MRE11: variants seen among roughly 807,000 people sequenced by gnomAD.
MRE11 encodes MRE11 double strand break repair nuclease.
MRE11 carries 62 observed loss-of-function variants against 91.7 expected under a neutral mutation model. The ratio of observed to expected loss-of-function variants is 0.68; its 90% CI spans 0.55 to 0.84. MRE11 has a LOEUF of 0.84. MRE11 is among the 40% of genes least tolerant of loss of function. MRE11 has a pLI of 0.00. For synonymous variants in MRE11, 273 were observed against 271.4 expected, an observed-to-expected ratio of 1.01 and a Z score of -0.06; for missense variants, 796 against 852.9, an observed-to-expected ratio of 0.93 and a Z score of 0.83.
Position 94,447,270 on chromosome 11 carries a change from C to G in MRE11, c.1732G>C (p.Gly578Arg), listed in dbSNP as rs547793891. 1.2e-6 allele frequency: 2 copies of G among 1,614,028 alleles called. No homozygotes were observed. Among genetic ancestry groups the G allele is most frequent in the East Asian group, 2.2e-5 (1 of 44,872 alleles). The change falls in exon 15 of 20, where the codon GGT (glycine) becomes CGT (arginine). Residue 578 changes from glycine (G) to arginine (R), a missense_variant. Physicochemically the swap from Gly to Arg is moderately radical, Grantham distance 125 (BLOSUM62 -2). Transcript: ENST00000323929. ...KGRGRGRGRR[G>R]GRGQNSASRG... ...GATGCTGAATTCTGCCCTCTTCCAC[C>G]TCTTCGACCTCTTCCTCGGCCTCTT...
chr11:94,459,449 C>T lies in MRE11; in HGVS notation c.1459G>A (p.Glu487Lys), dbSNP rs1246033205. ...QLEKTQRFLK[E>K]RHIDALEDKI... ...TCTTCGAGGGCATCAATATGACGTTCTTTAAGAAATCGCTGTGTTTTTTCC... is the reference window on the plus strand; with the variant it reads ...TCTTCGAGGGCATCAATATGACGTTTTTTAAGAAATCGCTGTGTTTTTTCC... The change falls in exon 13 of 20, where the codon GAA (glutamate) becomes AAA (lysine). Residue 487 changes from glutamate to lysine, a missense_variant. Coordinates refer to ENST00000323929, the MANE Select transcript of MRE11 (RefSeq NM_005591.4). The T allele has an allele frequency of 6.2e-7, 1 of 1,613,984 alleles. No homozygotes were observed. The highest frequency in any genetic ancestry group is 8.5e-7 in the Non-Finnish European group (1 of 1,179,916).
chr11:94,462,762 C>T (rs932815305), intron 11 of MRE11, among the ~76,000 whole-genome samples: 13 of 152,152 alleles, frequency 8.5e-5, no homozygotes, highest in Admixed American at 7.2e-4. Flanking sequence ...TTCCTTACAC[C>T]TCACACAAAA....
Position 94,492,862 on chromosome 11 carries a change from T to C in MRE11, c.-61A>G. ...CTTCTCCAAGAACCCCTGGGTACTG[T>C]ACTCAAATGTCAGAAAATGCACTCG... is the stretch of plus-strand genomic sequence containing the variant. On this transcript the variant is annotated 5_prime_UTR_variant, in exon 2 of 20. Transcript: ENST00000323929. 6.7e-7 allele frequency: 1 copy of C among 1,483,134 alleles called. No individual in the cohort carries two copies. The highest frequency in any genetic ancestry group is 9.3e-7 in the Non-Finnish European group (1 of 1,073,380). The allele number at this position is 1,483,134 out of a possible 1,614,324, so 91.9% of individuals were successfully genotyped here.
In MRE11 at chr11:94,476,242, G is replaced by T. The variant is rs780392733; in HGVS notation, c.659+47C>A. 4 of 1,205,134 alleles carry T rather than the reference G, an allele frequency of 3.3e-6. No homozygotes were observed. The African/African-American group carries it at 4.5e-5, about 14-fold the overall frequency. 74.7% of individuals were successfully genotyped at this position (1,205,134 alleles called of 1,614,324 possible). The stretch of plus-strand genomic sequence containing the variant: ...AATAGGTAAGCTCAGAAACAGATTT[G>T]GGAAGCCTCAGCACTTGGCTCAAAC... On this transcript the variant is annotated intron_variant, in intron 7 of 19. Transcript: ENST00000323929.
intron 4 of MRE11, among the ~76,000 whole-genome samples, chr11:94,480,960 G>A (rs1341952744): frequency 6.6e-6 from 1 of 152,154 alleles, no homozygotes; most frequent in African/African-American, 2.4e-5. Context: ...CCTTATAGGA[G>A]AAAAATATTT....
At chr11:94,484,801 G>C (rs1947096326) in intron 4 of MRE11, among the ~76,000 whole-genome samples, 1 of 152,156 alleles carries the variant, frequency 6.6e-6, no homozygotes, top group African/African-American at 2.4e-5. Flanking sequence ...CAAAATACCT[G>C]ACCTCTTTAT....
chr11:94,423,620 C>G (rs1945232252), intron 19 of MRE11, among the ~76,000 whole-genome samples: 1 of 152,248 alleles, frequency 6.6e-6, no homozygotes, highest in Non-Finnish European at 1.5e-5. Flanking sequence ...TCCAGGGCCC[C>G]TGCCAAGCTG....
chr11:94,429,650 A>T (rs1039458679), intron 19 of MRE11, among the ~76,000 whole-genome samples: 1 of 152,206 alleles, frequency 6.6e-6, no homozygotes, highest in African/African-American at 2.4e-5. Flanking sequence ...AACAACAGAC[A>T]CTGTGGACTA....
chr11:94,418,944 T>G lies in MRE11; in HGVS notation c.*1181A>C, dbSNP rs939826262. The G allele has an allele frequency of 3.0e-5, 7 of 231,122 alleles. No individual in the cohort carries two copies. Among genetic ancestry groups the G allele is most frequent in the African/African-American group, 1.5e-4 (7 of 45,234 alleles). The allele number at this position is 231,122 out of a possible 1,614,324, so 14.3% of individuals were successfully genotyped here. ...ATGACTATTCTAATGGTCATGAGTA[T>G]CACTGAGTCAAGTATTTGTTTCTAC... On this transcript the variant is annotated 3_prime_UTR_variant, in exon 20 of 20. Coordinates refer to ENST00000323929, the MANE Select transcript of MRE11 (RefSeq NM_005591.4).
chr11:94,480,978 GCT>G (rs1453486502), intron 4 of MRE11, among the ~76,000 whole-genome samples: 2 of 152,148 alleles, frequency 1.3e-5, no homozygotes, highest in Non-Finnish European at 2.9e-5. Flanking sequence ...TTTCAGTATA[GCT>G]CTGTCTTTTT....
chr11:94,459,639 T>A, intron 12 of MRE11, 58 bp from the exon 13 acceptor site: 1 of 1,553,632 alleles, frequency 6.4e-7, no homozygotes, highest in Non-Finnish European at 8.8e-7. Flanking sequence ...AAAATAATTA[T>A]AGATGAGCAA....
chr11:94,434,577 C>G (rs1445023505), intron 18 of MRE11, among the ~76,000 whole-genome samples: 1 of 152,094 alleles, frequency 6.6e-6, no homozygotes, highest in African/African-American at 2.4e-5. Context: ...TTCTGGAGTT[C>G]CTGCTCATGC....
chr11:94,432,091 T>G (rs1301928728), intron 18 of MRE11, among the ~76,000 whole-genome samples: 1 of 152,182 alleles, frequency 6.6e-6, no homozygotes, highest in African/African-American at 2.4e-5. Context: ...CCCGATAATC[T>G]TCCAATAAAT....
chr11:94,452,095 G>A (rs1946124790), intron 14 of MRE11, among the ~76,000 whole-genome samples: 1 of 151,454 alleles, frequency 6.6e-6, no homozygotes, highest in East Asian at 1.9e-4. Flanking sequence ...TACTCGGGAG[G>A]CTGAAGCACG....
At chr11:94,466,948 A>G (rs1025680992) in intron 10 of MRE11, among the ~76,000 whole-genome samples, 1 of 152,192 alleles carries the variant, frequency 6.6e-6, no homozygotes, top group African/African-American at 2.4e-5. Flanking sequence ...CTGTATGCCT[A>G]CACTGAAAAG....
intron 9 of MRE11, among the ~76,000 whole-genome samples, chr11:94,468,333 T>G (rs1354510567): frequency 1.3e-5 from 2 of 152,186 alleles, no homozygotes; most frequent in African/African-American, 2.4e-5. Context: ...TTTTCAAATA[T>G]GTGGAGTTGT....
At chr11:94,435,750 T>C in intron 18 of MRE11, 82 bp downstream of exon 18, 2 of 1,210,378 alleles carry the variant, frequency 1.7e-6, no homozygotes, top group African/African-American at 1.5e-5. Context: ...TTACATGGCA[T>C]AGAAAAATGT....
At chr11:94,502,730 C>T in the MRE11 span, among the ~76,000 whole-genome samples, 172 of 152,210 alleles carry the variant, frequency 1.1e-3, no homozygotes, top group African/African-American at 3.7e-3. Context: ...CTAGAGTGCA[C>T]TGGCATGATC....
intron 11 of MRE11, among the ~76,000 whole-genome samples, chr11:94,463,226 A>G (rs1946468807): frequency 1.3e-5 from 2 of 152,244 alleles, no homozygotes; most frequent in African/African-American, 4.8e-5. Context: ...CAAAACCACA[A>G]TGAAATACCA....
Sources: allele counts gnomAD v4.1 joint callset (sites outside exome capture counted in the v4.1 genomes callset), GRCh38; gene constraint gnomAD v4.1.1; transcripts MANE v1.5; gene names NCBI Gene and HGNC (gene_info 2026-07-23, HGNC 2026-07-21).